The following CLRN1 variants were observed in gnomAD, a reference collection of about 807,000 sequenced individuals.
The protein encoded by CLRN1 is clarin 1, also known as clarin-1.
CLRN1 carries 15 observed loss-of-function variants against 18.7 expected under a neutral mutation model. The observed-to-expected ratio is 0.80, with a 90% confidence interval of 0.54 to 1.23. CLRN1 has a LOEUF of 1.23. CLRN1 is among the 50% of genes most tolerant of loss of function. The probability of loss-of-function intolerance (pLI) is 0.00; values close to 1 mark genes in which losing one functional copy is unlikely to be tolerated. For synonymous variants in CLRN1, 104 were observed against 102.9 expected, an observed-to-expected ratio of 1.01 and a Z score of -0.07; for missense variants, 311 against 277.5, an observed-to-expected ratio of 1.12 and a Z score of -0.86.
chr3:150,949,664 A>G (rs975007046), intron 1 of CLRN1, among the ~76,000 whole-genome samples: 8 of 152,222 alleles, frequency 5.3e-5, no homozygotes, highest in African/African-American at 1.4e-4. Flanking sequence ...CTACAATATG[A>G]GTTACAAAAC....
intron 1 of CLRN1, among the ~76,000 whole-genome samples, chr3:150,970,849 A>C (rs1010803059): frequency 1.3e-5 from 2 of 152,188 alleles, no homozygotes; most frequent in African/African-American, 2.4e-5. Flanking sequence ...CATAGGACAC[A>C]ACCACAAAAA....
At chr3:150,972,799 G>T, upstream of CLRN1, 1 of 1,576,730 alleles carries the variant, frequency 6.3e-7, no homozygotes, top group Admixed American at 1.7e-5. Flanking sequence ...CATTTATTAC[G>T]GAAGCTGAAC....
Position 150,972,621 on chromosome 3 carries a change from T to C in CLRN1, c.88A>G (p.Thr30Ala), listed in dbSNP as rs1319315161. 6.2e-7 allele frequency: 1 copy of C among 1,614,124 alleles called. No individual in the cohort carries two copies. The highest frequency in any genetic ancestry group is 1.7e-5 in the Admixed American group (1 of 60,008). The part of the protein sequence containing the change: ...CALGVVTALG[T>A]PLWIKATVLC... ...ACAGTGGCTTTGATCCACAACGGTG[T>C]CCCCAAGGCTGTCACAACTCCGAGG... The change falls in exon 1 of 3, where the codon ACA (threonine) becomes GCA (alanine). Residue 30 changes from threonine to alanine, a missense_variant. By Grantham distance (58) the Thr-to-Ala change is moderately conservative. Coordinates refer to ENST00000327047, the MANE Select transcript of CLRN1 (RefSeq NM_174878.3).
intron 1 of CLRN1, among the ~76,000 whole-genome samples, chr3:150,946,590 A>G (rs1199072359): frequency 6.6e-6 from 1 of 152,040 alleles, no homozygotes; most frequent in Admixed American, 6.5e-5. Context: ...ATAAACGAAG[A>G]CATAAAAATT....
In CLRN1 at chr3:150,927,341, A is replaced by G; in HGVS notation, c.*595T>C. 2.4e-6 allele frequency: 1 copy of G among 415,358 alleles called. No homozygotes were observed. The highest frequency in any genetic ancestry group is 4.7e-6 in the Non-Finnish European group (1 of 212,338). The allele number at this position is 415,358 out of a possible 1,614,324, so 25.7% of individuals were successfully genotyped here. On this transcript the variant is annotated 3_prime_UTR_variant, in exon 3 of 3. Coordinates refer to ENST00000327047, the MANE Select transcript of CLRN1 (RefSeq NM_174878.3). Reference sequence around the variant, plus strand: ...GTCTCACTTTATTGCCCAGGCTGTAACTCGAACTCCTGAACTCAAATGATC... The same window carrying G: ...GTCTCACTTTATTGCCCAGGCTGTAGCTCGAACTCCTGAACTCAAATGATC...
chr3:150,965,613 G>C (rs1715225676), intron 1 of CLRN1, among the ~76,000 whole-genome samples: 1 of 152,132 alleles, frequency 6.6e-6, no homozygotes, highest in Non-Finnish European at 1.5e-5. Flanking sequence ...GCAGCAAATT[G>C]TGAGAACAGT....
At chr3:150,972,142 C>A (rs1001585672) in intron 1 of CLRN1, among the ~76,000 whole-genome samples, 1 of 152,048 alleles carries the variant, frequency 6.6e-6, no homozygotes, top group Non-Finnish European at 1.5e-5. Context: ...TTTCCTATTT[C>A]CCCAAGTTTA....
intron 1 of CLRN1, among the ~76,000 whole-genome samples, chr3:150,951,260 T>A (rs1028466380): frequency 6.6e-6 from 1 of 152,132 alleles, no homozygotes; most frequent in Non-Finnish European, 1.5e-5. Context: ...AAAAGTTTTT[T>A]AAAAATAAAA....
intron 1 of CLRN1, among the ~76,000 whole-genome samples, chr3:150,962,865 C>A (rs1715099608): frequency 2.0e-5 from 3 of 152,142 alleles, no homozygotes; most frequent in African/African-American, 7.2e-5. Flanking sequence ...GGCTATTTTA[C>A]CTTGCAAGGA....
chr3:150,929,724 TG>T (rs1713038374), intron 2 of CLRN1, among the ~76,000 whole-genome samples: 1 of 152,214 alleles, frequency 6.6e-6, no homozygotes, highest in African/African-American at 2.4e-5. Flanking sequence ...CAAACCAATT[TG>T]GTTTCAAATC....
rs1039040487 is a variant in CLRN1, at chr3:150,927,233, C to G, written c.*703G>C. 19 of 487,854 alleles carry G rather than the reference C, an allele frequency of 3.9e-5. No individual in the cohort carries two copies. Among genetic ancestry groups the G allele is most frequent in the Non-Finnish European group, 6.8e-5 (17 of 249,798 alleles). 30.2% of individuals were successfully genotyped at this position (487,854 alleles called of 1,614,324 possible). On this transcript the variant is annotated 3_prime_UTR_variant, in exon 3 of 3. Transcript: ENST00000327047. Reference sequence around the variant, plus strand: ...TCTTTTAGAGTTTGCAGATTTTGACCAACAGACATGGTTAATAAGACTATG... The same window carrying G: ...TCTTTTAGAGTTTGCAGATTTTGACGAACAGACATGGTTAATAAGACTATG...
At chr3:150,964,406 C>T (rs1221161918) in intron 1 of CLRN1, among the ~76,000 whole-genome samples, 2 of 152,138 alleles carry the variant, frequency 1.3e-5, no homozygotes, top group African/African-American at 4.8e-5. Context: ...CAGGAAGCAA[C>T]AGATGTTGGA....
At chr3:150,954,512 A>G (rs1411026565) in intron 1 of CLRN1, among the ~76,000 whole-genome samples, 1 of 152,212 alleles carries the variant, frequency 6.6e-6, no homozygotes, top group Admixed American at 6.5e-5. Context: ...CATGCTGGAT[A>G]CAAACCCTTT....
intron 1 of CLRN1, among the ~76,000 whole-genome samples, chr3:150,948,136 G>T (rs191084816): frequency 6.6e-6 from 1 of 152,234 alleles, no homozygotes; most frequent in East Asian, 1.9e-4. Flanking sequence ...TAATAAGATA[G>T]ATAGGCCACT....
downstream of CLRN1, chr3:150,926,453 A>G: frequency 5.6e-6 from 2 of 359,894 alleles, no homozygotes; most frequent in South Asian, 4.5e-5. Flanking sequence ...CTAAAGACTT[A>G]CAGAACCGGG....
At chr3:150,931,407 C>G (rs1356403678) in intron 2 of CLRN1, among the ~76,000 whole-genome samples, 1 of 152,212 alleles carries the variant, frequency 6.6e-6, no homozygotes, top group Non-Finnish European at 1.5e-5. Context: ...TTCCTTCCCA[C>G]AGCATGAGGA....
Position 150,941,168 on chromosome 3 carries a change from C to CTATT in CLRN1, c.433+413_433+414insAATA, listed in dbSNP as rs1553772535. On this transcript the variant is annotated intron_variant, in intron 2 of 2. Transcript: ENST00000327047. ...TCTATCTATCTATCTATCTATCTAT[C>CTATT]TATCTCTTTCATATATATATATATA... is the stretch of plus-strand genomic sequence containing the variant. 1.1e-3 allele frequency among the ~76,000 whole-genome samples: 124 copies of CTATT among 108,348 alleles called. 1 individual carries two copies. The highest frequency in any genetic ancestry group is 3.6e-3 in the African/African-American group (121 of 33,372). 71.1% of individuals were successfully genotyped at this position (108,348 alleles called of 152,430 possible).
intron 1 of CLRN1, 34 bp downstream of exon 1, chr3:150,972,422 A>C: frequency 6.2e-7 from 1 of 1,613,940 alleles, no homozygotes; most frequent in Non-Finnish European, 8.5e-7. Flanking sequence ...GTCTGCCTAA[A>C]GCATTAAATA....
At chr3:150,951,238 AC>A (rs1678947145) in intron 1 of CLRN1, among the ~76,000 whole-genome samples, 1 of 152,134 alleles carries the variant, frequency 6.6e-6, no homozygotes. Flanking sequence ...TTTTACAGGT[AC>A]CCCCAAACGT....
Sources: allele counts gnomAD v4.1 joint callset (sites outside exome capture counted in the v4.1 genomes callset), GRCh38; gene constraint gnomAD v4.1.1; transcripts MANE v1.5; gene names NCBI Gene and HGNC (gene_info 2026-07-23, HGNC 2026-07-21).